The following GARIN2 variants were observed in gnomAD, a reference collection of about 807,000 sequenced individuals.
GARIN2 encodes the protein Golgi-associated RAB2 interactor protein 2.
At chr14:67,215,513 A>AAAAAAC in the GARIN2 span, among the ~76,000 whole-genome samples, 4,259 of 151,218 alleles carry the variant, frequency 0.028, 79 homozygotes, top group Non-Finnish European at 0.035. Context: ...AAAGATTAAA[A>AAAAAAC]AACAACAACA....
chr14:67,199,588 T>G, the GARIN2 span: 1 of 1,595,224 alleles, frequency 6.3e-7, no homozygotes, highest in Non-Finnish European at 8.6e-7. Flanking sequence ...CCGTATCTTA[T>G]GCCTTCGAGA....
At chr14:67,193,958 A>AAAAAAAACAAAAAAG in the GARIN2 span, among the ~76,000 whole-genome samples, 1 of 149,716 alleles carries the variant, frequency 6.7e-6, no homozygotes, top group African/African-American at 2.5e-5. Flanking sequence ...AAAAAACAAA[A>AAAAAAAACAAAAAAG]AAAAAACGAA....
At chr14:67,224,297 C>T in the GARIN2 span, among the ~76,000 whole-genome samples, 6 of 145,356 alleles carry the variant, frequency 4.1e-5, no homozygotes, top group Admixed American at 7.0e-5. Context: ...CTTACTCTGT[C>T]GCCCAGGCTG....
the GARIN2 span, among the ~76,000 whole-genome samples, chr14:67,207,695 T>C: frequency 4.6e-5 from 7 of 151,610 alleles, no homozygotes; most frequent in African/African-American, 1.7e-4. Flanking sequence ...CTAGGAGAGG[T>C]GAGACATTAA....
chr14:67,228,409 A>C, the GARIN2 span: 2 of 425,166 alleles, frequency 4.7e-6, no homozygotes, highest in Non-Finnish European at 6.3e-6. Context: ...AAATGAACTG[A>C]CTTCTCCACC....
At chr14:67,215,222 C>T in the GARIN2 span, among the ~76,000 whole-genome samples, 1 of 152,078 alleles carries the variant, frequency 6.6e-6, no homozygotes, top group African/African-American at 2.4e-5. Context: ...GCTTTTATAG[C>T]TGTGGAAAGA....
chr14:67,196,693 T>G, the GARIN2 span: 1 of 152,260 alleles, frequency 6.6e-6, no homozygotes, highest in Non-Finnish European at 1.5e-5. Context: ...TTCCACTGTT[T>G]GGCAGTTTCA....
chr14:67,224,656 G>T, the GARIN2 span: 2 of 313,474 alleles, frequency 6.4e-6, no homozygotes, highest in South Asian at 5.1e-5. Context: ...CCAAATTATG[G>T]GCTTATCTCT....
the GARIN2 span, among the ~76,000 whole-genome samples, chr14:67,225,926 A>AGTAT: frequency 7.3e-6 from 1 of 136,630 alleles, no homozygotes; most frequent in South Asian, 2.4e-4. Context: ...TAATGCTGTG[A>AGTAT]GTGTGTGTGT....
At chr14:67,219,690 G>T in the GARIN2 span, among the ~76,000 whole-genome samples, 1 of 152,000 alleles carries the variant, frequency 6.6e-6, no homozygotes, top group East Asian at 1.9e-4. Context: ...TAAATAAATA[G>T]CAAAAATCAT....
At chr14:67,204,460 T>C in the GARIN2 span, 1 of 1,436,916 alleles carries the variant, frequency 7.0e-7, no homozygotes, top group Non-Finnish European at 9.1e-7. Context: ...CAAACAAATA[T>C]ATATATATAT....
the GARIN2 span, chr14:67,199,929 C>G: frequency 6.8e-7 from 1 of 1,461,544 alleles, no homozygotes; most frequent in Non-Finnish European, 9.2e-7. Context: ...GTCATGGACA[C>G]TCCCAAGCTC....
chr14:67,197,430 T>C, the GARIN2 span: 1 of 152,242 alleles, frequency 6.6e-6, no homozygotes, highest in Non-Finnish European at 1.5e-5. Context: ...CTTTTCTCTT[T>C]TCCTTCCTTT....
the GARIN2 span, among the ~76,000 whole-genome samples, chr14:67,195,107 A>T: frequency 1.3e-5 from 2 of 152,242 alleles, no homozygotes; most frequent in African/African-American, 4.8e-5. Context: ...AAAATTTAGC[A>T]CACACTTCTC....
At chr14:67,213,919 T>G in the GARIN2 span, among the ~76,000 whole-genome samples, 1 of 152,252 alleles carries the variant, frequency 6.6e-6, no homozygotes, top group Non-Finnish European at 1.5e-5. Context: ...TGGCCAGTGA[T>G]GGTGAGCATT....
chr14:67,213,712 T>A, the GARIN2 span, among the ~76,000 whole-genome samples: 2 of 152,178 alleles, frequency 1.3e-5, no homozygotes, highest in Non-Finnish European at 2.9e-5. Context: ...ATGGTATTTC[T>A]AGTTCTAGAT....
chr14:67,208,375 G>T, the GARIN2 span: 1 of 1,613,950 alleles, frequency 6.2e-7, no homozygotes, highest in Non-Finnish European at 8.5e-7. Flanking sequence ...ATACATCCAA[G>T]GAGATGAAGG....
At chr14:67,197,490 T>G in the GARIN2 span, 1 of 152,192 alleles carries the variant, frequency 6.6e-6, no homozygotes, top group Admixed American at 6.6e-5. Context: ...ATTTTCTTCT[T>G]TCTCTCTCCT....
At chr14:67,208,722 C>T in the GARIN2 span, among the ~76,000 whole-genome samples, 1 of 151,816 alleles carries the variant, frequency 6.6e-6, no homozygotes, top group African/African-American at 2.4e-5. Context: ...ATGGTGAAAC[C>T]CTGTCTCTAC....
Sources: allele counts gnomAD v4.1 joint callset (sites outside exome capture counted in the v4.1 genomes callset), GRCh38; gene constraint gnomAD v4.1.1; transcripts MANE v1.5; gene names NCBI Gene and HGNC (gene_info 2026-07-23, HGNC 2026-07-21).